The following PCDHGA5 variants were observed in gnomAD, a reference collection of about 807,000 sequenced individuals.
PCDHGA5 encodes protocadherin gamma subfamily A, 5.
PCDHGA5 carries 36 observed loss-of-function variants against 56.7 expected under a neutral mutation model. That is an observed-to-expected ratio of 0.64 (90% CI 0.49 to 0.84). The LOEUF is 0.84. Ranked by LOEUF, PCDHGA5 falls within the 40% of genes least tolerant of loss-of-function variation. The probability of loss-of-function intolerance (pLI) is 0.00; values close to 1 mark genes in which losing one functional copy is unlikely to be tolerated. For synonymous variants in PCDHGA5, 563 were observed against 520.2 expected, an observed-to-expected ratio of 1.08 and a Z score of -1.12; for missense variants, 1,305 against 1,201.5, an observed-to-expected ratio of 1.09 and a Z score of -1.27.
chr5:141,420,205 C>T (rs776838072), intron 1 of PCDHGA5: 14 of 1,612,942 alleles, frequency 8.7e-6, no homozygotes, highest in African/African-American at 1.3e-5. Context: ...ATAACCTCAA[C>T]AAAGATAGCA....
chr5:141,383,259 C>G (rs768704302), intron 1 of PCDHGA5: 1 of 1,613,810 alleles, frequency 6.2e-7, no homozygotes, highest in South Asian at 1.1e-5. Context: ...ACCCTATAGA[C>G]GTGGAAATAA....
At chr5:141,467,393 T>C (rs1409255781) in intron 1 of PCDHGA5, among the ~76,000 whole-genome samples, 3 of 152,124 alleles carry the variant, frequency 2.0e-5, no homozygotes, top group African/African-American at 7.2e-5. Flanking sequence ...TTTTAAGTCA[T>C]AGTTAGAAAG....
Position 141,490,876 on chromosome 5 carries a change from G to T in PCDHGA5, c.2422-3931G>T. On this transcript the variant is annotated intron_variant, in intron 1 of 3. Coordinates refer to ENST00000518069, the MANE Select transcript of PCDHGA5 (RefSeq NM_018918.3). The surrounding 1 kb of genome is among the most constrained non-coding windows in gnomAD (Gnocchi z 5.4). Reference sequence around the variant, plus strand: ...AGACTCCGGCTCTCCCCCATTGCATGCCAACACATCTCTGCATGTGTTTGT... The same window carrying T: ...AGACTCCGGCTCTCCCCCATTGCATTCCAACACATCTCTGCATGTGTTTGT... 6.2e-7 allele frequency: 1 copy of T among 1,613,840 alleles called. No homozygotes were observed. The highest frequency in any genetic ancestry group is 8.5e-7 in the Non-Finnish European group (1 of 1,179,894).
chr5:141,476,747 C>A lies in PCDHGA5; in HGVS notation c.2422-18060C>A. 1 of 1,614,066 alleles carries A rather than the reference C, an allele frequency of 6.2e-7. No homozygotes were observed. The highest frequency in any genetic ancestry group is 1.3e-5 in the African/African-American group (1 of 75,074). On this transcript the variant is annotated intron_variant, in intron 1 of 3. Transcript: ENST00000518069. The surrounding 1 kb of genome is among the most constrained non-coding windows in gnomAD (Gnocchi z 7.6). ...GGACCGAGAACGGGAGCCTAGTCTCCAGTTAGTGCTGACGGCGTTGGACGG... is the reference window on the plus strand; with the variant it reads ...GGACCGAGAACGGGAGCCTAGTCTCAAGTTAGTGCTGACGGCGTTGGACGG...
chr5:141,383,220 CATCCTGATGGAAGATAAAATGA>C (rs1561595268), intron 1 of PCDHGA5: 5 of 1,613,982 alleles, frequency 3.1e-6, no homozygotes, highest in Non-Finnish European at 4.2e-6. Flanking sequence ...TAAACTTTAA[CATCCTGATGGAAGATAAAATGA>C]ATCTTTACCC....
chr5:141,465,312 A>G (rs2099100692), intron 1 of PCDHGA5, among the ~76,000 whole-genome samples: 1 of 152,314 alleles, frequency 6.6e-6, no homozygotes, highest in South Asian at 2.1e-4. Flanking sequence ...GAATTTAGCC[A>G]TGTCAATGCA....
At chr5:141,456,731 G>A (rs1282690673) in intron 1 of PCDHGA5, among the ~76,000 whole-genome samples, 1 of 152,214 alleles carries the variant, frequency 6.6e-6, no homozygotes, top group Non-Finnish European at 1.5e-5. Flanking sequence ...TTGGGAGGCT[G>A]AGGCGGGAGC....
chr5:141,409,018 G>T lies in PCDHGA5; in HGVS notation c.2421+42267G>T, dbSNP rs369210340. The T allele has an allele frequency of 4.0e-5, 64 of 1,613,814 alleles. No individual in the cohort carries two copies. The Admixed American group carries it at 1.1e-3, about 27-fold the overall frequency. ...TGACAGCCACTGACCAGGATGAGGG[G>T]GTCAATGCTGAGATAAACTACTACT... On this transcript the variant is annotated intron_variant, in intron 1 of 3. Transcript: ENST00000518069.
At chr5:141,463,412 A>G (rs1397215687) in intron 1 of PCDHGA5, among the ~76,000 whole-genome samples, 9 of 127,856 alleles carry the variant, frequency 7.0e-5, no homozygotes, top group Non-Finnish European at 1.5e-4. Flanking sequence ...TGGAGATCCT[A>G]GTTTGCGGAT....
chr5:141,485,654 G>A lies in PCDHGA5; in HGVS notation c.2422-9153G>A, dbSNP rs2099617203. 6.2e-7 allele frequency: 1 copy of A among 1,612,482 alleles called. No individual in the cohort carries two copies. The highest frequency in any genetic ancestry group is 8.5e-7 in the Non-Finnish European group (1 of 1,178,842). On this transcript the variant is annotated intron_variant, in intron 1 of 3. Coordinates refer to ENST00000518069, the MANE Select transcript of PCDHGA5 (RefSeq NM_018918.3). The surrounding 1 kb of genome is among the most constrained non-coding windows in gnomAD (Gnocchi z 5.7). ...CCCGTTGGAAAAGGCTCAGGATGCA[G>A]ATGTGGGGAGCAATTCGATTAGCAG... is the stretch of plus-strand genomic sequence containing the variant.
intron 1 of PCDHGA5, chr5:141,390,022 T>A (rs1206102918): frequency 2.5e-6 from 4 of 1,613,928 alleles, no homozygotes; most frequent in Non-Finnish European, 3.4e-6. Context: ...GCCTTGCGCC[T>A]GCGACGCTCC....
Position 141,385,070 on chromosome 5 carries a change from T to C in PCDHGA5, c.2421+18319T>C, listed in dbSNP as rs766950021. 28 of 1,614,094 alleles carry C rather than the reference T, an allele frequency of 1.7e-5. No individual in the cohort carries two copies. In the South Asian group the frequency reaches 3.0e-4, roughly 17 times the overall value. ...CTGCGGCGCTGGCACAAGTCACGCC[T>C]GCTGCAGGCTTCAGAAGGTGGCTTG... On this transcript the variant is annotated intron_variant, in intron 1 of 3. Coordinates refer to ENST00000518069, the MANE Select transcript of PCDHGA5 (RefSeq NM_018918.3).
intron 1 of PCDHGA5, chr5:141,393,093 G>T: frequency 2.5e-6 from 4 of 1,613,620 alleles, no homozygotes; most frequent in Non-Finnish European, 3.4e-6. Context: ...AGATCGGGAG[G>T]AGCTCTGCGC....
In PCDHGA5 at chr5:141,476,656, T is replaced by A. The variant is rs190269177; in HGVS notation, c.2422-18151T>A. 6.2e-7 allele frequency: 1 copy of A among 1,614,210 alleles called. No individual in the cohort carries two copies. The highest frequency in any genetic ancestry group is 1.3e-5 in the African/African-American group (1 of 75,064). ...ATGAGCTGAGCCGAAATGAATACTTTGCGCTTCGCGTGCAGACGCGGGAGG... is the reference window on the plus strand; with the variant it reads ...ATGAGCTGAGCCGAAATGAATACTTAGCGCTTCGCGTGCAGACGCGGGAGG... On this transcript the variant is annotated intron_variant, in intron 1 of 3. Coordinates refer to ENST00000518069, the MANE Select transcript of PCDHGA5 (RefSeq NM_018918.3). This position sits in a 1 kb window ranked among gnomAD's most constrained non-coding sequence, Gnocchi z 7.6.
intron 1 of PCDHGA5, chr5:141,393,503 G>T: frequency 6.2e-7 from 1 of 1,614,028 alleles, no homozygotes; most frequent in Non-Finnish European, 8.5e-7. Context: ...GCATCCACGT[G>T]ACAGTGTTGG....
intron 1 of PCDHGA5, chr5:141,423,553 T>G: frequency 2.5e-6 from 4 of 1,613,548 alleles, no homozygotes; most frequent in Non-Finnish European, 3.4e-6. Flanking sequence ...CCAGCCCAAC[T>G]ATGGGGACAC....
chr5:141,497,414 C>A (rs1021294577), intron 2 of PCDHGA5, among the ~76,000 whole-genome samples: 34 of 152,066 alleles, frequency 2.2e-4, no homozygotes, highest in Admixed American at 2.0e-3. Flanking sequence ...CCCATTCCAT[C>A]AAATGAGAGG....
In PCDHGA5 at chr5:141,388,498, A is replaced by G. The variant is rs1025242684; in HGVS notation, c.2421+21747A>G. The G allele has an allele frequency of 9.9e-6, 16 of 1,613,748 alleles. No homozygotes were observed. Among genetic ancestry groups the G allele is most frequent in the Admixed American group, 1.7e-5 (1 of 60,004 alleles). ...AAGACACCTTTGGACAGAGAAAAGCAGAAATCCTACCACTTGACTTTGACT... is the reference window on the plus strand; with the variant it reads ...AAGACACCTTTGGACAGAGAAAAGCGGAAATCCTACCACTTGACTTTGACT... On this transcript the variant is annotated intron_variant, in intron 1 of 3. Transcript: ENST00000518069.
intron 1 of PCDHGA5, among the ~76,000 whole-genome samples, chr5:141,458,102 A>G (rs1314999618): frequency 6.6e-6 from 1 of 152,246 alleles, no homozygotes; most frequent in Admixed American, 6.5e-5. Context: ...GTACTTACAG[A>G]TAGTCTCCAA....
Sources: gnomAD v4.1 joint callset for allele counts (sites outside exome capture counted in the v4.1 genomes callset) on GRCh38, gnomAD v4.1.1 for gene constraint, Gnocchi (gnomAD v3.1) non-coding constraint, MANE v1.5 for transcripts, NCBI Gene and HGNC (gene_info 2026-07-23, HGNC 2026-07-21) for gene names.